DCT: variants seen among roughly 807,000 people sequenced by gnomAD.
DCT encodes dopachrome tautomerase.
A neutral mutation model predicts 53.0 loss-of-function variants in DCT; 47 were observed. The observed-to-expected ratio is 0.89, with a 90% CI of 0.70 to 1.13. The LOEUF is 1.13. Among genes scored for constraint, DCT ranks in the 50% most tolerant of loss-of-function variants. The probability of loss-of-function intolerance (pLI) is 0.00; values close to 1 mark genes in which losing one functional copy is unlikely to be tolerated. For synonymous variants in DCT, 244 were observed against 237.0 expected (o/e 1.03, Z -0.27); for missense variants, 669 against 637.4 (o/e 1.05, Z -0.53).
the DCT span, among the ~76,000 whole-genome samples, chr13:94,520,767 A>G: frequency 6.6e-6 from 1 of 152,194 alleles, no homozygotes; most frequent in South Asian, 2.1e-4. Flanking sequence ...ATCAAAACAT[A>G]TGCTGGGCAG....
At chr13:94,483,331 A>G (rs1885526017), upstream of DCT, among the ~76,000 whole-genome samples, 1 of 152,068 alleles carries the variant, frequency 6.6e-6, no homozygotes, top group East Asian at 1.9e-4. Context: ...TGTAAATTTA[A>G]ACATAAATGT....
the DCT span, among the ~76,000 whole-genome samples, chr13:94,490,812 A>G: frequency 2.0e-5 from 3 of 152,262 alleles, no homozygotes; most frequent in African/African-American, 7.2e-5. Context: ...ACTGAAAAGT[A>G]GTAGAAAACA....
At chr13:94,468,291 T>A (rs921641626) in intron 2 of DCT, 2 of 165,882 alleles carry the variant, frequency 1.2e-5, no homozygotes, top group Non-Finnish European at 2.7e-5. Flanking sequence ...TTTAACAAGA[T>A]GCCCACTCCC....
In DCT at chr13:94,438,352, C is replaced by A; in HGVS notation, c.*1546G>T. The stretch of plus-strand genomic sequence containing the variant: ...GGCTATCTTGATCTTCACCACTGAG[C>A]CTGCTCTCAGATGCACCTGTAGCTT... On this transcript the variant is annotated 3_prime_UTR_variant, in exon 8 of 8. Transcript: ENST00000377028. 4.8e-6 allele frequency: 1 copy of A among 210,148 alleles called. No homozygotes were observed. Among genetic ancestry groups the A allele is most frequent in the South Asian group, 7.2e-5 (1 of 13,824 alleles). The allele number at this position is 210,148 out of a possible 1,614,324, so 13.0% of individuals were successfully genotyped here. A position where few individuals can be genotyped will look rare whatever the true frequency, so the allele number is the denominator to read the frequency against.
intron 5 of DCT, among the ~76,000 whole-genome samples, chr13:94,460,545 G>A: frequency 6.6e-6 from 1 of 152,112 alleles, no homozygotes; most frequent in South Asian, 2.1e-4. Flanking sequence ...TCAGTACCAT[G>A]CCCAGCAGAT....
At chr13:94,539,516 C>G in the DCT span, among the ~76,000 whole-genome samples, 1 of 152,148 alleles carries the variant, frequency 6.6e-6, no homozygotes, top group African/African-American at 2.4e-5. Flanking sequence ...CAAAGCTAAA[C>G]CTGCGCAACA....
At chr13:94,525,434 G>A in the DCT span, among the ~76,000 whole-genome samples, 4 of 152,190 alleles carry the variant, frequency 2.6e-5, no homozygotes, top group South Asian at 6.2e-4. Flanking sequence ...TAGGCCACTC[G>A]GTTTGTGGCA....
chr13:94,522,815 TA>T, the DCT span, among the ~76,000 whole-genome samples: 1 of 152,214 alleles, frequency 6.6e-6, no homozygotes, highest in African/African-American at 2.4e-5. Context: ...TAGCAAAGGT[TA>T]TATAGCCATA....
intron 7 of DCT, 87 bp from the exon 8 acceptor site, chr13:94,440,163 C>G: frequency 8.9e-7 from 1 of 1,121,792 alleles, no homozygotes. Flanking sequence ...ACTTGCCTTT[C>G]ACGTGCTTTT....
chr13:94,499,838 C>T, the DCT span, among the ~76,000 whole-genome samples: 38 of 152,234 alleles, frequency 2.5e-4, no homozygotes, highest in East Asian at 7.4e-3. Context: ...CATGCTCTAA[C>T]CGAAAGCACA....
chr13:94,478,151 C>T (rs112258537), intron 1 of DCT, among the ~76,000 whole-genome samples: 2,873 of 118,316 alleles, frequency 0.024, 97 homozygotes, highest in African/African-American at 0.085. Flanking sequence ...TAACAACCCC[C>T]CGCCCGCCCC....
chr13:94,502,764 C>T, the DCT span, among the ~76,000 whole-genome samples: 4 of 152,156 alleles, frequency 2.6e-5, no homozygotes, highest in East Asian at 1.9e-4. Flanking sequence ...AGCCCTTCAA[C>T]GTGTGGCTGT....
intron 6 of DCT, among the ~76,000 whole-genome samples, chr13:94,455,955 CGTATAGTATAA>C (rs1883385816): frequency 1.3e-5 from 2 of 152,072 alleles, no homozygotes; most frequent in South Asian, 4.1e-4. Flanking sequence ...TACTTAGAGA[CGTATAGTATAA>C]ATAGATGTAC....
upstream of DCT, among the ~76,000 whole-genome samples, chr13:94,480,401 A>G (rs1052980204): frequency 1.3e-5 from 2 of 152,222 alleles, no homozygotes; most frequent in African/African-American, 4.8e-5. Flanking sequence ...CACCTGTCAG[A>G]ACATCCATTT....
the DCT span, among the ~76,000 whole-genome samples, chr13:94,491,162 G>T: frequency 1.3e-5 from 2 of 152,152 alleles, no homozygotes; most frequent in Admixed American, 6.6e-5. Flanking sequence ...CACAAACTGA[G>T]TGCCTCAAAC....
the DCT span, among the ~76,000 whole-genome samples, chr13:94,517,418 T>A: frequency 6.6e-6 from 1 of 152,152 alleles, no homozygotes; most frequent in African/African-American, 2.4e-5. Context: ...TTGACTCTCA[T>A]CACCTGAAAC....
intron 1 of DCT, among the ~76,000 whole-genome samples, chr13:94,473,514 A>G (rs536971061): frequency 2.0e-5 from 3 of 152,218 alleles, no homozygotes; most frequent in Non-Finnish European, 2.9e-5. Flanking sequence ...AGGCAATAAT[A>G]CCTTAGTCTA....
chr13:94,532,586 C>T, the DCT span, among the ~76,000 whole-genome samples: 4 of 152,092 alleles, frequency 2.6e-5, no homozygotes, highest in South Asian at 2.1e-4. Context: ...AGTTGAACAA[C>T]GAGAATACAT....
At chr13:94,444,709 C>T (rs1882606415) in intron 6 of DCT, among the ~76,000 whole-genome samples, 1 of 152,158 alleles carries the variant, frequency 6.6e-6, no homozygotes, top group Non-Finnish European at 1.5e-5. Context: ...GAGCTTGTCA[C>T]CCCAGGGTGT....
Sources: gnomAD v4.1 joint callset for allele counts (sites outside exome capture counted in the v4.1 genomes callset) on GRCh38, gnomAD v4.1.1 for gene constraint, MANE v1.5 for transcripts, NCBI Gene and HGNC (gene_info 2026-07-23, HGNC 2026-07-21) for gene names.